The following DENND1B variants were observed in gnomAD, a reference collection of about 807,000 sequenced individuals.
The protein encoded by DENND1B is DENN domain containing 1B.
A neutral mutation model predicts 90.1 loss-of-function variants in DENND1B; 59 were observed. The observed-to-expected ratio is 0.65, with a 90% CI of 0.53 to 0.81. The LOEUF is 0.81. Among genes scored for constraint, DENND1B ranks in the 40% least tolerant of loss-of-function variants. The pLI, the probability that DENND1B is intolerant of heterozygous loss-of-function variation, is 0.00. For missense variants in DENND1B, 862 were observed against 912.6 expected, an observed-to-expected ratio of 0.94 and a Z score of 0.71; for synonymous variants, 337 against 324.6, an observed-to-expected ratio of 1.04 and a Z score of -0.41.
chr1:197,552,174 G>GT (rs1013241215), intron 16 of DENND1B: 10 of 961,530 alleles, frequency 1.0e-5, no homozygotes, highest in Non-Finnish European at 1.2e-5. Context: ...ATAGACTGAA[G>GT]TTTTTTTTCC....
rs569603032 is a variant in DENND1B at position 197,567,368 on chromosome 1, A to G, written c.1150-14256T>C. On this transcript the variant is annotated intron_variant, in intron 15 of 22. Transcript: ENST00000620048. ...CTGAATCAGTAGTCAAAAATCTTCC[A>G]TCAAAGAAAACCCCAGACCTGATGA... Among the ~76,000 whole-genome samples the G allele has an allele frequency of 5.3e-5, 8 of 152,266 alleles. No homozygotes were observed. The South Asian group carries it at 1.7e-3, about 32-fold the overall frequency.
At chr1:197,616,422 A>G (rs1374594445) in intron 11 of DENND1B, among the ~76,000 whole-genome samples, 2 of 151,064 alleles carry the variant, frequency 1.3e-5, no homozygotes, top group Non-Finnish European at 3.0e-5. Context: ...ACTTAACAAT[A>G]TAAACTACAT....
intron 2 of DENND1B, among the ~76,000 whole-genome samples, chr1:197,757,894 T>C (rs1447371587): frequency 6.6e-6 from 1 of 152,220 alleles, no homozygotes; most frequent in Non-Finnish European, 1.5e-5. Context: ...CCCTACACTT[T>C]TGTAATATTA....
chr1:197,566,030 G>GT (rs1213994519), intron 15 of DENND1B, among the ~76,000 whole-genome samples: 3 of 152,002 alleles, frequency 2.0e-5, no homozygotes, highest in Non-Finnish European at 4.4e-5. Context: ...GGGTCAAATG[G>GT]TATGTCTAGT....
intron 3 of DENND1B, among the ~76,000 whole-genome samples, chr1:197,699,552 T>C (rs1658807039): frequency 6.6e-6 from 1 of 152,146 alleles, no homozygotes; most frequent in Non-Finnish European, 1.5e-5. Context: ...TTGGATGTTC[T>C]GGCCAGGGCA....
chr1:197,738,424 T>C (rs1225210239), intron 2 of DENND1B, among the ~76,000 whole-genome samples: 6 of 152,186 alleles, frequency 3.9e-5, no homozygotes, highest in Non-Finnish European at 8.8e-5. Context: ...GCATCCACAA[T>C]TGGTGAATGT....
At chr1:197,759,715 C>A (rs1654776544) in intron 2 of DENND1B, among the ~76,000 whole-genome samples, 1 of 132,736 alleles carries the variant, frequency 7.5e-6, no homozygotes, top group Non-Finnish European at 1.5e-5. Flanking sequence ...TGCACTCTGG[C>A]CTGGGTGATT....
chr1:197,704,814 G>C (rs778973859), intron 3 of DENND1B, among the ~76,000 whole-genome samples: 3 of 151,466 alleles, frequency 2.0e-5, no homozygotes, highest in Admixed American at 6.6e-5. Context: ...TAAAATAAGT[G>C]AGGTAAGTTT....
intron 2 of DENND1B, among the ~76,000 whole-genome samples, chr1:197,717,862 A>G (rs567968064): frequency 1.0e-3 from 155 of 151,218 alleles, no homozygotes; most frequent in African/African-American, 3.5e-3. Flanking sequence ...GCACAAAAGG[A>G]TAATATTTAC....
chr1:197,657,856 G>GT (rs2125951334), intron 6 of DENND1B, among the ~76,000 whole-genome samples: 1 of 152,254 alleles, frequency 6.6e-6, no homozygotes, highest in African/African-American at 2.4e-5. Flanking sequence ...AGCACCCCCA[G>GT]TGTCCATTGA....
At chr1:197,621,469 T>C (rs559291048) in intron 10 of DENND1B, among the ~76,000 whole-genome samples, 1 of 151,482 alleles carries the variant, frequency 6.6e-6, no homozygotes, top group South Asian at 2.1e-4. Flanking sequence ...TTTTAGAAGT[T>C]TGGTTTGCAA....
At chr1:197,734,040 T>A (rs188496142) in intron 2 of DENND1B, 1 of 911,240 alleles carries the variant, frequency 1.1e-6, no homozygotes. Context: ...TTGCAGTATT[T>A]ACATTAAATA....
At chr1:197,703,556 T>G (rs1659242107) in intron 3 of DENND1B, among the ~76,000 whole-genome samples, 1 of 152,160 alleles carries the variant, frequency 6.6e-6, no homozygotes, top group South Asian at 2.1e-4. Context: ...TCATTTTGAC[T>G]TTGCAGACCT....
Position 197,747,907 on chromosome 1 carries a change from G to T in DENND1B, c.82+24961C>A, listed in dbSNP as rs548948108. On this transcript the variant is annotated intron_variant, in intron 2 of 22. Coordinates refer to ENST00000620048, the MANE Select transcript of DENND1B (RefSeq NM_001195215.2). ...TGTCACTTGTGCCATAGATAATAAAGTCCTCTATTTCTGATCATGGAAACT... is the reference window on the plus strand; with the variant it reads ...TGTCACTTGTGCCATAGATAATAAATTCCTCTATTTCTGATCATGGAAACT... 2.6e-5 allele frequency among the ~76,000 whole-genome samples: 4 copies of T among 152,308 alleles called. No homozygotes were observed. The East Asian group carries it at 7.7e-4, about 29-fold the overall frequency.
Position 197,707,896 on chromosome 1 carries a change from C to T in DENND1B, c.126+7135G>A, listed in dbSNP as rs1404254120. 2.0e-5 allele frequency among the ~76,000 whole-genome samples: 3 copies of T among 150,548 alleles called. No homozygotes were observed. The East Asian group carries it at 6.0e-4, about 30-fold the overall frequency. On this transcript the variant is annotated intron_variant, in intron 3 of 22. Coordinates refer to ENST00000620048, the MANE Select transcript of DENND1B (RefSeq NM_001195215.2). The stretch of plus-strand genomic sequence containing the variant: ...GCACCGTGCGCGAGCCGAAGCAGGG[C>T]GAGGCATTGCCTCACCTGGGAAGCG...
At chr1:197,669,793 T>C (rs931727187) in intron 5 of DENND1B, among the ~76,000 whole-genome samples, 2 of 152,024 alleles carry the variant, frequency 1.3e-5, no homozygotes, top group African/African-American at 2.4e-5. Flanking sequence ...CAAAAATAAA[T>C]ATAAAAGGAA....
chr1:197,592,782 G>A (rs959952996), intron 14 of DENND1B, among the ~76,000 whole-genome samples: 8 of 152,042 alleles, frequency 5.3e-5, no homozygotes, highest in Admixed American at 5.2e-4. Context: ...ATCTGTCATT[G>A]GTCTAACCTA....
intron 20 of DENND1B, among the ~76,000 whole-genome samples, chr1:197,528,830 A>G (rs1395986713): frequency 6.7e-6 from 1 of 150,156 alleles, no homozygotes; most frequent in Non-Finnish European, 1.5e-5. Context: ...ACTGCACTCC[A>G]GCCTGGGTGA....
chr1:197,771,625 T>C (rs1325710359), intron 2 of DENND1B, among the ~76,000 whole-genome samples: 1 of 152,196 alleles, frequency 6.6e-6, no homozygotes. Flanking sequence ...ACAACTGGGT[T>C]GGGCTTCTCT....
Sources: allele counts gnomAD v4.1 joint callset (sites outside exome capture counted in the v4.1 genomes callset), GRCh38; gene constraint gnomAD v4.1.1; transcripts MANE v1.5; gene names NCBI Gene and HGNC (gene_info 2026-07-23, HGNC 2026-07-21).